Variants in CCDC18 observed in about 807,000 individuals in gnomAD.
CCDC18 encodes coiled-coil domain-containing protein 18.
A neutral mutation model predicts 196.0 loss-of-function variants in CCDC18; 157 were observed. The observed-to-expected ratio is 0.80, with a 90% confidence interval of 0.70 to 0.91. The LOEUF is 0.91. CCDC18 is among the 40% of genes least tolerant of loss of function. The pLI, the probability that CCDC18 is intolerant of heterozygous loss-of-function variation, is 0.00. For synonymous variants in CCDC18, 482 were observed against 529.2 expected (o/e 0.91, Z 1.22); for missense variants, 1,465 against 1,611.6 (o/e 0.91, Z 1.56).
chr1:93,242,074 C>T (rs966458984), intron 21 of CCDC18, among the ~76,000 whole-genome samples: 2 of 152,122 alleles, frequency 1.3e-5, no homozygotes, highest in Admixed American at 6.6e-5. Context: ...GGGTTGAAAA[C>T]AGATATCTAA....
intron 28 of CCDC18, among the ~76,000 whole-genome samples, chr1:93,272,132 CAAAG>C (rs1665325326): frequency 6.6e-6 from 1 of 152,136 alleles, no homozygotes; most frequent in African/African-American, 2.4e-5. Context: ...AGATCCAAGA[CAAAG>C]AAAAATTGTT....
intron 24 of CCDC18, among the ~76,000 whole-genome samples, chr1:93,256,110 A>T (rs978251507): frequency 2.6e-5 from 4 of 152,178 alleles, no homozygotes; most frequent in Non-Finnish European, 1.5e-5. Flanking sequence ...ATATATCAAT[A>T]AGAGTCCCAA....
chr1:93,180,456 A>C (rs181915221), upstream of CCDC18: 215 of 1,403,672 alleles, frequency 1.5e-4, no homozygotes, highest in Middle Eastern at 1.0e-3. Context: ...CCTATTCCGC[A>C]ACCGCCTCAG....
chr1:93,227,971 A>AAATAT (rs57726461), intron 17 of CCDC18, among the ~76,000 whole-genome samples: 9,989 of 124,798 alleles, frequency 0.08, 569 homozygotes, highest in East Asian at 0.2. Context: ...AAAAAAAAAA[A>AAATAT]ATATATATAT....
chr1:93,191,804 G>C (rs1443364407), intron 4 of CCDC18, among the ~76,000 whole-genome samples, 196 bp from the exon 5 acceptor site: 1 of 152,138 alleles, frequency 6.6e-6, no homozygotes, highest in Non-Finnish European at 1.5e-5. Context: ...AATGCCAGGA[G>C]CTTACATGCC....
intron 7 of CCDC18, among the ~76,000 whole-genome samples, chr1:93,204,266 T>A (rs1360161771): frequency 6.6e-6 from 1 of 152,218 alleles, no homozygotes; most frequent in African/African-American, 2.4e-5. Context: ...AGGACATTTC[T>A]TTATGGGAAA....
At chr1:93,203,399 CA>C (rs1167623154) in intron 7 of CCDC18, among the ~76,000 whole-genome samples, 1 of 151,968 alleles carries the variant, frequency 6.6e-6, no homozygotes, top group East Asian at 1.9e-4. Context: ...TTTAGACATA[CA>C]AATCTGTACT....
At chr1:93,254,103 T>A (rs1662613501) in intron 23 of CCDC18, among the ~76,000 whole-genome samples, 1 of 152,174 alleles carries the variant, frequency 6.6e-6, no homozygotes, top group Non-Finnish European at 1.5e-5. Context: ...AACAAAAAAG[T>A]CTTCTCTATT....
At chr1:93,194,251 G>A (rs1192005125) in intron 6 of CCDC18, among the ~76,000 whole-genome samples, 4 of 152,078 alleles carry the variant, frequency 2.6e-5, no homozygotes, top group Non-Finnish European at 2.9e-5. Context: ...TTGAGATCAA[G>A]TCTTTTAAGT....
chr1:93,180,626 C>T, upstream of CCDC18: 1 of 1,336,596 alleles, frequency 7.5e-7, no homozygotes, highest in African/African-American at 1.6e-5. Context: ...TCGCCGACCA[C>T]GATCCCCGGC....
chr1:93,245,775 A>G (rs1661421920), intron 21 of CCDC18, among the ~76,000 whole-genome samples: 1 of 152,130 alleles, frequency 6.6e-6, no homozygotes, highest in Non-Finnish European at 1.5e-5. Context: ...TGATCTGTGT[A>G]TGAAAAAATG....
At chr1:93,242,342 C>T (rs1013684474) in intron 21 of CCDC18, among the ~76,000 whole-genome samples, 10 of 142,312 alleles carry the variant, frequency 7.0e-5, no homozygotes, top group African/African-American at 2.0e-4. Context: ...AGAGAGCTTG[C>T]GCAGGGAAAC....
chr1:93,180,889 G>T (rs757096095), intron 1 of CCDC18, 37 bp downstream of exon 1: 1 of 1,364,606 alleles, frequency 7.3e-7, no homozygotes, highest in South Asian at 1.1e-5. Flanking sequence ...GGTGGTGAGC[G>T]ACTGCGCCTT....
At chr1:93,256,738 A>G (rs568766871) in intron 25 of CCDC18, among the ~76,000 whole-genome samples, 200 bp downstream of exon 25, 26 of 152,314 alleles carry the variant, frequency 1.7e-4, no homozygotes, top group African/African-American at 6.3e-4. Flanking sequence ...TTAGAAAATA[A>G]TGAACTGTGT....
intron 17 of CCDC18, among the ~76,000 whole-genome samples, chr1:93,231,663 G>C (rs1040972098): frequency 3.9e-5 from 6 of 152,126 alleles, no homozygotes; most frequent in African/African-American, 1.4e-4. Context: ...GGTGCTCTTG[G>C]ATAAAAGTAT....
At chr1:93,266,283 C>T (rs1664488196) in intron 27 of CCDC18, among the ~76,000 whole-genome samples, 1 of 152,198 alleles carries the variant, frequency 6.6e-6, no homozygotes, top group African/African-American at 2.4e-5. Context: ...CTCTGGGACA[C>T]ATTTAAAGCA....
intron 12 of CCDC18, among the ~76,000 whole-genome samples, chr1:93,216,163 C>A (rs1656445786): frequency 6.6e-6 from 1 of 152,184 alleles, no homozygotes; most frequent in Non-Finnish European, 1.5e-5. Flanking sequence ...TTGCCAAATA[C>A]TGGGATTAAT....
intron 17 of CCDC18, among the ~76,000 whole-genome samples, chr1:93,231,286 A>T (rs1012235063): frequency 2.6e-5 from 4 of 152,202 alleles, no homozygotes; most frequent in Admixed American, 2.6e-4. Flanking sequence ...AAAATTTATT[A>T]TATAAGCAAC....
chr1:93,271,706 A>C (rs992795337), intron 28 of CCDC18: 1 of 167,820 alleles, frequency 6.0e-6, no homozygotes, highest in Non-Finnish European at 1.2e-5. Context: ...CATTGTTGCT[A>C]CCTCCTTACT....
Sources: gnomAD v4.1 joint callset for allele counts (sites outside exome capture counted in the v4.1 genomes callset) on GRCh38, gnomAD v4.1.1 for gene constraint, MANE v1.5 for transcripts, NCBI Gene and HGNC (gene_info 2026-07-23, HGNC 2026-07-21) for gene names.